Variants in SORCS3 observed in about 807,000 individuals in gnomAD.
SORCS3 encodes the protein VPS10 domain-containing receptor SorCS3.
Under a neutral mutation model 146.3 loss-of-function variants are expected in SORCS3, and 57 were observed. That is an observed-to-expected ratio of 0.39 (90% CI 0.31 to 0.49). SORCS3 has a LOEUF of 0.49. Among genes scored for constraint, SORCS3 ranks in the 20% least tolerant of loss-of-function variants. SORCS3 has a pLI of 0.92. For synonymous variants in SORCS3, 653 were observed against 618.5 expected, an observed-to-expected ratio of 1.06 and a Z score of -0.83; for missense variants, 1,341 against 1,575.5, an observed-to-expected ratio of 0.85 and a Z score of 2.52.
chr10:105,210,740 C>A (rs2056628590), intron 16 of SORCS3, among the ~76,000 whole-genome samples: 1 of 152,114 alleles, frequency 6.6e-6, no homozygotes, highest in South Asian at 2.1e-4. Flanking sequence ...CATGTATATA[C>A]TTGTTTCAGA....
chr10:105,137,555 A>C (rs893418173), intron 7 of SORCS3, among the ~76,000 whole-genome samples: 10 of 152,156 alleles, frequency 6.6e-5, no homozygotes, highest in Non-Finnish European at 1.3e-4. Flanking sequence ...ACATATCTAC[A>C]TCTGAGAGGC....
At position 104,915,889 on chromosome 10, in the gene SORCS3, C is replaced by G; in HGVS notation, c.752C>G (p.Thr251Ser). 6.2e-7 allele frequency: 1 copy of G among 1,614,088 alleles called. No individual in the cohort carries two copies. Among genetic ancestry groups the G allele is most frequent in the Non-Finnish European group, 8.5e-7 (1 of 1,179,984 alleles). The part of the protein sequence containing the change: ...EKLNDKVGLK[T>S]VLSYLYVNPT... ...CTGAATGACAAAGTGGGTTTGAAGA[C>G]TGTCCTCAGTTACCTCTATGTCAAT... The change falls in exon 3 of 27, where the codon ACT (threonine) becomes AGT (serine). Residue 251 changes from threonine to serine, a missense_variant. By Grantham distance (58) the Thr-to-Ser change is moderately conservative. Transcript: ENST00000369701.
intron 1 of SORCS3, among the ~76,000 whole-genome samples, chr10:104,767,890 TA>T (rs2017200262): frequency 6.6e-6 from 1 of 151,170 alleles, no homozygotes; most frequent in Non-Finnish European, 1.5e-5. Context: ...AGCTTGCTGG[TA>T]GTATAAAACA....
intron 8 of SORCS3, among the ~76,000 whole-genome samples, chr10:105,144,604 T>C (rs1335975184): frequency 2.0e-5 from 3 of 152,116 alleles, no homozygotes; most frequent in African/African-American, 7.2e-5. Context: ...ATAATTGCTT[T>C]CCAAATATAA....
chr10:104,823,573 A>C (rs1359614907), intron 1 of SORCS3, among the ~76,000 whole-genome samples: 1 of 151,752 alleles, frequency 6.6e-6, no homozygotes, highest in East Asian at 1.9e-4. Flanking sequence ...TTTCATCTTC[A>C]CTGATCCACC....
intron 1 of SORCS3, among the ~76,000 whole-genome samples, chr10:104,755,898 AT>A (rs1479119366): frequency 2.0e-5 from 3 of 152,172 alleles, no homozygotes; most frequent in African/African-American, 7.2e-5. Flanking sequence ...AGGACTGAGT[AT>A]TTTTTTGTGG....
At chr10:104,720,102 A>G (rs115683249) in intron 1 of SORCS3, among the ~76,000 whole-genome samples, 1,890 of 152,114 alleles carry the variant, frequency 0.012, 33 homozygotes, top group African/African-American at 0.038. Flanking sequence ...CAATAGGTAT[A>G]TCTCCTAATC....
intron 17 of SORCS3, among the ~76,000 whole-genome samples, chr10:105,212,295 T>C (rs2056638786): frequency 6.6e-6 from 1 of 152,240 alleles, no homozygotes; most frequent in South Asian, 2.1e-4. Flanking sequence ...GGATCTTTGC[T>C]GTTATTTAAT....
intron 1 of SORCS3, among the ~76,000 whole-genome samples, chr10:104,644,606 T>C (rs188497324): frequency 6.6e-6 from 1 of 152,304 alleles, no homozygotes; most frequent in East Asian, 1.9e-4. Context: ...TCCTTCATCA[T>C]TGGTTTCAAA....
intron 4 of SORCS3, among the ~76,000 whole-genome samples, chr10:105,034,393 G>T (rs1245344152): frequency 1.3e-5 from 2 of 152,172 alleles, no homozygotes; most frequent in Non-Finnish European, 2.9e-5. Context: ...AACCAATGTG[G>T]CTGGAACTTG....
At chr10:104,868,726 G>A (rs568497911) in intron 2 of SORCS3, among the ~76,000 whole-genome samples, 5 of 152,310 alleles carry the variant, frequency 3.3e-5, no homozygotes, top group African/African-American at 1.2e-4. Flanking sequence ...TATGGAGCTC[G>A]ATGCTGGGAA....
chr10:105,161,013 A>G (rs890331020), intron 11 of SORCS3, among the ~76,000 whole-genome samples: 2 of 152,246 alleles, frequency 1.3e-5, no homozygotes, highest in Non-Finnish European at 2.9e-5. Flanking sequence ...TATTAATGGT[A>G]GTTGTTATTA....
At chr10:104,700,006 G>A (rs2016261278) in intron 1 of SORCS3, among the ~76,000 whole-genome samples, 1 of 152,140 alleles carries the variant, frequency 6.6e-6, no homozygotes, top group South Asian at 2.1e-4. Context: ...TTGACAAATT[G>A]CAAACATAAT....
intron 25 of SORCS3, among the ~76,000 whole-genome samples, chr10:105,261,347 C>A (rs781729121): frequency 1.3e-4 from 20 of 152,146 alleles, no homozygotes; most frequent in Non-Finnish European, 2.6e-4. Context: ...GGTTCTAAGT[C>A]CCCAAGATGT....
At chr10:105,105,044 T>C (rs998940366) in intron 6 of SORCS3, among the ~76,000 whole-genome samples, 27 of 152,266 alleles carry the variant, frequency 1.8e-4, no homozygotes, top group African/African-American at 6.5e-4. Flanking sequence ...GAATTAGAAT[T>C]CTCTAATTAG....
At chr10:104,875,801 G>T (rs1236603557) in intron 2 of SORCS3, among the ~76,000 whole-genome samples, 1 of 152,112 alleles carries the variant, frequency 6.6e-6, no homozygotes, top group Non-Finnish European at 1.5e-5. Flanking sequence ...GTCTGATTGA[G>T]TAAGTGCTAG....
At chr10:104,701,952 T>C (rs1003842580) in intron 1 of SORCS3, among the ~76,000 whole-genome samples, 2 of 152,214 alleles carry the variant, frequency 1.3e-5, no homozygotes, top group African/African-American at 4.8e-5. Context: ...ATTTCTTTTG[T>C]AAAAGGGCAT....
intron 1 of SORCS3, among the ~76,000 whole-genome samples, chr10:104,815,618 C>T (rs1045103794): frequency 1.6e-4 from 24 of 152,016 alleles, no homozygotes; most frequent in African/African-American, 5.8e-4. Flanking sequence ...CTTTTGTGCA[C>T]ATGGGAAATG....
At position 104,895,741 on chromosome 10, in the gene SORCS3, C is replaced by T. The variant is rs146207465; in HGVS notation, c.696-20092C>T. Among the ~76,000 whole-genome samples, 963 of 152,292 alleles carry T rather than the reference C, an allele frequency of 6.3e-3. 13 individuals are homozygous for T. The highest frequency in any genetic ancestry group is 0.022 in the African/African-American group (910 of 41,544). ...GAATGTCTGTCTCCATGCCTGTACA[C>T]GCTTACATGTATGATGGGGGAAGAG... On this transcript the variant is annotated intron_variant, in intron 2 of 26. Transcript: ENST00000369701.
Sources: gnomAD v4.1 joint callset for allele counts (sites outside exome capture counted in the v4.1 genomes callset) on GRCh38, gnomAD v4.1.1 for gene constraint, MANE v1.5 for transcripts, NCBI Gene and HGNC (gene_info 2026-07-23, HGNC 2026-07-21) for gene names.